The following USP15 variants were observed in gnomAD, a reference collection of about 807,000 sequenced individuals.
USP15 encodes ubiquitin specific peptidase 15.
USP15 carries 18 observed loss-of-function variants against 127.1 expected under a neutral mutation model. The observed-to-expected ratio is 0.14, with a 90% CI of 0.10 to 0.21. USP15 has a LOEUF of 0.21. Among genes scored for constraint, USP15 ranks in the 10% least tolerant of loss-of-function variants. The probability of loss-of-function intolerance (pLI) is 1.00; values close to 1 mark genes in which losing one functional copy is unlikely to be tolerated. For synonymous variants in USP15, 364 were observed against 393.7 expected (o/e 0.92, Z 0.89); for missense variants, 805 against 1,159.9 (o/e 0.69, Z 4.44).
At chr12:62,314,704 T>TTA (rs2064780910) in intron 3 of USP15, 86 bp from the exon 4 acceptor site, 1 of 1,269,644 alleles carries the variant, frequency 7.9e-7, no homozygotes, top group African/African-American at 1.5e-5. Context: ...GATCTGCAGT[T>TTA]TTCTAAAGTC....
At position 62,295,481 on chromosome 12, in the gene USP15, T is replaced by C. The variant is rs1253220143; in HGVS notation, c.217+1175T>C. On this transcript the variant is annotated intron_variant, in intron 2 of 21. Transcript: ENST00000280377. Reference sequence around the variant, plus strand: ...ATCCAGCATACAAAAATGTAAAATTTATAATGGCTTGGATCTGACCAAATA... The same window carrying C: ...ATCCAGCATACAAAAATGTAAAATTCATAATGGCTTGGATCTGACCAAATA... Among the ~76,000 whole-genome samples, 4 of 152,186 alleles carry C rather than the reference T, an allele frequency of 2.6e-5. No individual in the cohort carries two copies. In the East Asian group the frequency reaches 7.7e-4, roughly 29 times the overall value.
chr12:62,340,141 C>T (rs530920654), intron 6 of USP15, among the ~76,000 whole-genome samples: 3 of 152,178 alleles, frequency 2.0e-5, no homozygotes, highest in East Asian at 1.9e-4. Flanking sequence ...GGAATTTATC[C>T]GTTTCTTCTA....
chr12:62,405,483 T>C lies in USP15; in HGVS notation c.*1108T>C. The C allele has an allele frequency of 6.6e-6, 1 of 152,588 alleles. No individual in the cohort carries two copies. The highest frequency in any genetic ancestry group is 1.5e-5 in the Non-Finnish European group (1 of 67,990). 9.5% of individuals were successfully genotyped at this position (152,588 alleles called of 1,614,324 possible). A position where few individuals can be genotyped will look rare whatever the true frequency, so the allele number is the denominator to read the frequency against. On this transcript the variant is annotated 3_prime_UTR_variant, in exon 22 of 22. Coordinates refer to ENST00000280377, the MANE Select transcript of USP15 (RefSeq NM_001252078.2). ...TTGCATGTTCCAGAGTCAGAACCTG[T>C]ACAGTATATAAAGCATAAACACCTT...
chr12:62,271,697 T>A (rs991282650), intron 1 of USP15, among the ~76,000 whole-genome samples: 1 of 151,614 alleles, frequency 6.6e-6, no homozygotes, highest in Non-Finnish European at 1.5e-5. Flanking sequence ...TTATCACGCT[T>A]ATATGTCACA....
intron 11 of USP15, 85 bp downstream of exon 11, chr12:62,384,387 A>G: frequency 2.1e-6 from 2 of 962,812 alleles, no homozygotes; most frequent in South Asian, 1.8e-5. Context: ...TTGAGTCCTT[A>G]TTATAAAAAT....
At chr12:62,288,908 T>C (rs936222543) in intron 1 of USP15, among the ~76,000 whole-genome samples, 2 of 152,232 alleles carry the variant, frequency 1.3e-5, no homozygotes, top group Non-Finnish European at 2.9e-5. Flanking sequence ...TTTGCATATG[T>C]TGAACTTCCT....
intron 1 of USP15, 121 bp from the exon 2 acceptor site, chr12:62,294,058 C>A (rs1386192974): frequency 9.4e-7 from 1 of 1,068,340 alleles, no homozygotes; most frequent in African/African-American, 1.6e-5. Flanking sequence ...TTACAGTTTT[C>A]AAATATCCTT....
intron 1 of USP15, among the ~76,000 whole-genome samples, chr12:62,262,188 A>T (rs557777351): frequency 6.6e-6 from 1 of 152,254 alleles, no homozygotes; most frequent in South Asian, 2.1e-4. Flanking sequence ...CAGTGAGCCG[A>T]GATCCGGCCA....
In USP15 at chr12:62,384,016, A is replaced by C. The variant is rs80149437; in HGVS notation, c.1248+18A>C. ...CAGATAAGGTAAATTTCATGATCCTATTGTCACCATTGTTATAATTTTGTG... is the reference window on the plus strand; with the variant it reads ...CAGATAAGGTAAATTTCATGATCCTCTTGTCACCATTGTTATAATTTTGTG... On this transcript the variant is annotated intron_variant, in intron 10 of 21. Transcript: ENST00000280377. 6.2e-7 allele frequency: 1 copy of C among 1,610,750 alleles called. No individual in the cohort carries two copies. The highest frequency in any genetic ancestry group is 8.5e-7 in the Non-Finnish European group (1 of 1,178,332).
At chr12:62,365,471 G>T (rs2066447041) in intron 8 of USP15, among the ~76,000 whole-genome samples, 1 of 152,148 alleles carries the variant, frequency 6.6e-6, no homozygotes, top group Admixed American at 6.5e-5. Context: ...CAGATGGATA[G>T]ATTGCAAAAA....
chr12:62,335,031 T>C (rs2065417404), intron 6 of USP15: 3 of 757,360 alleles, frequency 4.0e-6, no homozygotes, highest in Non-Finnish European at 6.3e-6. Context: ...AATGGAAGTC[T>C]TACCTTTTTC....
intron 3 of USP15, among the ~76,000 whole-genome samples, chr12:62,308,120 G>A (rs1360265592): frequency 6.6e-6 from 1 of 151,942 alleles, no homozygotes; most frequent in Non-Finnish European, 1.5e-5. Context: ...CATCCACTAG[G>A]GGTCTCGGAA....
At chr12:62,328,270 C>T (rs1321252160) in intron 6 of USP15, 1 of 450,964 alleles carries the variant, frequency 2.2e-6, no homozygotes, top group Non-Finnish European at 4.5e-6. Flanking sequence ...GAGAGATCAG[C>T]AATCTTTTTT....
At chr12:62,324,811 C>T (rs1395913670) in intron 5 of USP15, among the ~76,000 whole-genome samples, 1 of 151,854 alleles carries the variant, frequency 6.6e-6, no homozygotes. Context: ...TACTCTGAAA[C>T]ATGCTTACAT....
chr12:62,315,168 T>A, intron 4 of USP15: 1 of 239,508 alleles, frequency 4.2e-6, no homozygotes, highest in East Asian at 8.4e-5. Context: ...TGTTTTTATT[T>A]AGCAACTGGT....
intron 6 of USP15, among the ~76,000 whole-genome samples, chr12:62,348,008 G>A (rs1156616777): frequency 6.6e-6 from 1 of 152,018 alleles, no homozygotes; most frequent in Non-Finnish European, 1.5e-5. Flanking sequence ...TTGAGACTAG[G>A]CTGGGCAATA....
chr12:62,395,865 A>C (rs1475860488), intron 19 of USP15, among the ~76,000 whole-genome samples: 1 of 151,960 alleles, frequency 6.6e-6, no homozygotes, highest in Non-Finnish European at 1.5e-5. Flanking sequence ...CATTGTGTAT[A>C]TGTACCAGAT....
At chr12:62,387,105 T>A (rs1014618596) in intron 11 of USP15, among the ~76,000 whole-genome samples, 4 of 152,170 alleles carry the variant, frequency 2.6e-5, no homozygotes, top group African/African-American at 9.6e-5. Flanking sequence ...CTGTGTTTAG[T>A]ATTGGATATG....
rs978378360 is a variant in USP15, at chr12:62,396,485, G to A, written c.2674+87G>A. The A allele has an allele frequency of 4.5e-6, 5 of 1,108,634 alleles. No homozygotes were observed. The African/African-American group carries it at 6.3e-5, about 14-fold the overall frequency. 68.7% of individuals were successfully genotyped at this position (1,108,634 alleles called of 1,614,324 possible). On this transcript the variant is annotated intron_variant, in intron 20 of 21. Coordinates refer to ENST00000280377, the MANE Select transcript of USP15 (RefSeq NM_001252078.2). ...CTTTAAGATATTTATTACTTCTTAA[G>A]GATAAAATATCAGATGTGTCTTGCA...
Sources: allele counts gnomAD v4.1 joint callset (sites outside exome capture counted in the v4.1 genomes callset), GRCh38; gene constraint gnomAD v4.1.1; transcripts MANE v1.5; gene names NCBI Gene and HGNC (gene_info 2026-07-23, HGNC 2026-07-21).